Variants in TMEM135 observed in about 807,000 individuals in gnomAD.
TMEM135 encodes the protein peroxisomal membrane protein 52.
A neutral mutation model predicts 60.3 loss-of-function variants in TMEM135; 30 were observed. The ratio of observed to expected loss-of-function variants is 0.50; its 90% confidence interval spans 0.37 to 0.68. The LOEUF (loss-of-function observed/expected upper bound fraction) is 0.68, where lower values mean the gene tolerates loss of function less well. Among genes scored for constraint, TMEM135 ranks in the 30% least tolerant of loss-of-function variants. The probability of loss-of-function intolerance (pLI) is 0.00; values close to 1 mark genes in which losing one functional copy is unlikely to be tolerated. For synonymous variants in TMEM135, 190 were observed against 186.7 expected (o/e 1.02, Z -0.14); for missense variants, 468 against 548.8 (o/e 0.85, Z 1.47).
intron 4 of TMEM135, among the ~76,000 whole-genome samples, chr11:87,136,267 C>T (rs1352671047): frequency 6.6e-6 from 1 of 151,974 alleles, no homozygotes; most frequent in African/African-American, 2.4e-5. Flanking sequence ...TTTTCTGTAT[C>T]TATAGAGATG....
chr11:87,222,864 TA>T (rs1409247150), intron 5 of TMEM135, among the ~76,000 whole-genome samples: 8 of 152,140 alleles, frequency 5.3e-5, no homozygotes, highest in Non-Finnish European at 1.0e-4. Flanking sequence ...TATCACTCTC[TA>T]ATCTATAAAC....
At chr11:87,281,301 C>T (rs7127921) in intron 6 of TMEM135, among the ~76,000 whole-genome samples, 55,704 of 152,022 alleles carry the variant, frequency 0.37, 10,871 homozygotes, top group Non-Finnish European at 0.43. Context: ...TCAGTGATTA[C>T]ATGGACAAAA....
At chr11:87,102,688 G>GTGTGTATATATATATGTATATA (rs1857483212) in intron 4 of TMEM135, among the ~76,000 whole-genome samples, 1 of 122,862 alleles carries the variant, frequency 8.1e-6, no homozygotes, top group Non-Finnish European at 1.6e-5. Flanking sequence ...ATATATATGT[G>GTGTGTATATATATATGTATATA]TGTGTATATA....
At chr11:87,130,379 G>A (rs1462371549) in intron 4 of TMEM135, among the ~76,000 whole-genome samples, 2 of 152,148 alleles carry the variant, frequency 1.3e-5, no homozygotes, top group African/African-American at 4.8e-5. Context: ...TTTCCTAAGA[G>A]GGCCTGGATG....
chr11:87,305,501 C>T (rs991552700), intron 8 of TMEM135, among the ~76,000 whole-genome samples: 19 of 152,128 alleles, frequency 1.2e-4, no homozygotes, highest in African/African-American at 4.1e-4. Context: ...GGGCCAGGCA[C>T]GGTGGCTCAC....
At chr11:87,274,455 C>T (rs1327706434) in intron 6 of TMEM135, among the ~76,000 whole-genome samples, 3 of 152,156 alleles carry the variant, frequency 2.0e-5, no homozygotes, top group Non-Finnish European at 4.4e-5. Flanking sequence ...ACATGTCTTT[C>T]TTGCGTTCTA....
At chr11:87,103,439 TG>T (rs1172252854) in intron 4 of TMEM135, among the ~76,000 whole-genome samples, 1 of 151,972 alleles carries the variant, frequency 6.6e-6, no homozygotes, top group Non-Finnish European at 1.5e-5. Context: ...TTTTTAGTGA[TG>T]TTGAGCATTT....
At chr11:87,225,032 A>C (rs773496047) in intron 5 of TMEM135, among the ~76,000 whole-genome samples, 2 of 152,250 alleles carry the variant, frequency 1.3e-5, no homozygotes, top group Non-Finnish European at 2.9e-5. Context: ...ACCTTTTCTT[A>C]AATCTTGTTC....
chr11:87,122,937 A>C (rs192699437), intron 4 of TMEM135, among the ~76,000 whole-genome samples: 1 of 152,212 alleles, frequency 6.6e-6, no homozygotes, highest in Non-Finnish European at 1.5e-5. Flanking sequence ...AGAGCTTCAC[A>C]GTAAATTTTG....
intron 6 of TMEM135, among the ~76,000 whole-genome samples, chr11:87,293,177 A>G (rs932726572): frequency 5.9e-5 from 9 of 152,174 alleles, no homozygotes; most frequent in African/African-American, 2.2e-4. Context: ...TCAGATGGAA[A>G]AAGATAAGTT....
chr11:87,292,638 A>G (rs1356623274), intron 6 of TMEM135, among the ~76,000 whole-genome samples: 1 of 152,142 alleles, frequency 6.6e-6, no homozygotes. Context: ...GTGGGATCAT[A>G]TTACTATTTT....
At chr11:87,193,278 T>A (rs565899398) in intron 5 of TMEM135, among the ~76,000 whole-genome samples, 128 of 152,254 alleles carry the variant, frequency 8.4e-4, no homozygotes, top group African/African-American at 3.0e-3. Context: ...GGTGGTGAGA[T>A]CTGATTCAAG....
chr11:87,144,696 C>G (rs918157300), intron 4 of TMEM135, among the ~76,000 whole-genome samples: 2 of 136,828 alleles, frequency 1.5e-5, no homozygotes, highest in Non-Finnish European at 3.1e-5. Flanking sequence ...ACTGTATGTA[C>G]TTTGTGTGTG....
chr11:87,310,106 G>A (rs1322933989), intron 10 of TMEM135, among the ~76,000 whole-genome samples: 27 of 151,992 alleles, frequency 1.8e-4, no homozygotes, highest in Admixed American at 1.8e-3. Context: ...AATCGGTGAG[G>A]ATTTTCTATT....
At chr11:87,122,516 A>G (rs1294196474) in intron 4 of TMEM135, among the ~76,000 whole-genome samples, 1 of 150,318 alleles carries the variant, frequency 6.7e-6, no homozygotes, top group Non-Finnish European at 1.5e-5. Context: ...GCTGGAGTGC[A>G]GTGTCATAAT....
chr11:87,246,114 T>G (rs1045478681), intron 6 of TMEM135, among the ~76,000 whole-genome samples: 6 of 128,610 alleles, frequency 4.7e-5, no homozygotes, highest in African/African-American at 1.8e-4. Flanking sequence ...CTTATGAAGG[T>G]TAGTTTGGCT....
intron 4 of TMEM135, among the ~76,000 whole-genome samples, chr11:87,150,707 T>C (rs1161035433): frequency 2.6e-5 from 4 of 152,200 alleles, no homozygotes; most frequent in Admixed American, 2.6e-4. Flanking sequence ...TTCCTTTCAA[T>C]ATTTTCAAGA....
At chr11:87,282,107 G>A (rs1340029960) in intron 6 of TMEM135, among the ~76,000 whole-genome samples, 2 of 152,124 alleles carry the variant, frequency 1.3e-5, no homozygotes, top group Non-Finnish European at 2.9e-5. Context: ...CTGGAGTGGG[G>A]ACCAAGAATT....
At chr11:87,086,381 G>A (rs1350287713) in intron 3 of TMEM135, among the ~76,000 whole-genome samples, 1 of 152,174 alleles carries the variant, frequency 6.6e-6, no homozygotes, top group Non-Finnish European at 1.5e-5. Flanking sequence ...TGGCCCGCCT[G>A]TGTTATGGCT....
Sources: allele counts gnomAD v4.1 joint callset (sites outside exome capture counted in the v4.1 genomes callset), GRCh38; gene constraint gnomAD v4.1.1; transcripts MANE v1.5; gene names NCBI Gene and HGNC (gene_info 2026-07-23, HGNC 2026-07-21).